SP100: variants seen among roughly 807,000 people sequenced by gnomAD.
SP100 encodes nuclear autoantigen Sp-100.
A neutral mutation model predicts 130.0 loss-of-function variants in SP100; 84 were observed. The ratio of observed to expected loss-of-function variants is 0.65; its 90% CI spans 0.54 to 0.77. SP100 has a LOEUF of 0.77. SP100 is among the 30% of genes least tolerant of loss of function. SP100 has a pLI of 0.00. For synonymous variants in SP100, 331 were observed against 351.7 expected, an observed-to-expected ratio of 0.94 and a Z score of 0.66; for missense variants, 978 against 1,052.2, an observed-to-expected ratio of 0.93 and a Z score of 0.97.
intron 17 of SP100, among the ~76,000 whole-genome samples, chr2:230,483,603 G>T (rs551780416): frequency 3.3e-5 from 5 of 152,258 alleles, no homozygotes; most frequent in African/African-American, 1.2e-4. Flanking sequence ...GACTTTAGGA[G>T]GGCAAGGATG....
chr2:230,491,983 G>C (rs889178969), intron 17 of SP100, among the ~76,000 whole-genome samples: 1 of 151,986 alleles, frequency 6.6e-6, no homozygotes, highest in African/African-American at 2.4e-5. Context: ...ATTTAAAGAA[G>C]GTTTGCTTTT....
chr2:230,516,006 C>G (rs1690896672), intron 24 of SP100: 1 of 979,998 alleles, frequency 1.0e-6, no homozygotes, highest in Non-Finnish European at 1.2e-6. Flanking sequence ...TAACTGAATG[C>G]CACTCTGTAA....
At chr2:230,433,312 A>T (rs1254301470) in intron 2 of SP100, among the ~76,000 whole-genome samples, 1 of 152,106 alleles carries the variant, frequency 6.6e-6, no homozygotes, top group Non-Finnish European at 1.5e-5. Context: ...TTGACCAAAA[A>T]CCTAAGGATT....
chr2:230,431,156 C>G (rs1352100282), intron 2 of SP100, among the ~76,000 whole-genome samples: 1 of 152,200 alleles, frequency 6.6e-6, no homozygotes, highest in Non-Finnish European at 1.5e-5. Flanking sequence ...AGCACAGTAC[C>G]AGCATGACAA....
intron 19 of SP100, among the ~76,000 whole-genome samples, chr2:230,501,992 C>T (rs905298154): frequency 6.6e-6 from 1 of 152,014 alleles, no homozygotes; most frequent in African/African-American, 2.4e-5. Context: ...CCTCAGCCTC[C>T]CGAGTAGCTG....
chr2:230,495,135 G>A (rs1259632756), intron 18 of SP100, among the ~76,000 whole-genome samples: 4 of 152,126 alleles, frequency 2.6e-5, no homozygotes, highest in Non-Finnish European at 5.9e-5. Context: ...GAGATATGTG[G>A]GCAGAGACAT....
At chr2:230,501,505 A>C (rs2067021485) in intron 19 of SP100, among the ~76,000 whole-genome samples, 5 of 152,152 alleles carry the variant, frequency 3.3e-5, no homozygotes, top group Admixed American at 3.3e-4. Flanking sequence ...AAACAAAAAA[A>C]CCTCTAAGTA....
chr2:230,476,414 C>A (rs1460926449), intron 17 of SP100, among the ~76,000 whole-genome samples: 2 of 152,122 alleles, frequency 1.3e-5, no homozygotes, highest in African/African-American at 2.4e-5. Flanking sequence ...CTAAATTTGT[C>A]AGTTCCAGGA....
At chr2:230,522,083 A>C (rs890200597) in intron 24 of SP100, among the ~76,000 whole-genome samples, 3 of 152,180 alleles carry the variant, frequency 2.0e-5, no homozygotes, top group African/African-American at 4.8e-5. Context: ...CATTGCAGGT[A>C]CCAGACAGTG....
chr2:230,423,683 T>A (rs1455646422), intron 2 of SP100, among the ~76,000 whole-genome samples: 1 of 152,252 alleles, frequency 6.6e-6, no homozygotes, highest in Non-Finnish European at 1.5e-5. Context: ...TTTGGAAATG[T>A]TTGGCCTTTA....
chr2:230,505,899 A>G (rs1690054863), intron 21 of SP100, among the ~76,000 whole-genome samples: 1 of 152,184 alleles, frequency 6.6e-6, no homozygotes, highest in Non-Finnish European at 1.5e-5. Flanking sequence ...ACCCAAGAGC[A>G]TGGTAGAGGG....
intron 2 of SP100, among the ~76,000 whole-genome samples, chr2:230,423,942 A>C (rs1411869714): frequency 6.6e-6 from 1 of 152,176 alleles, no homozygotes; most frequent in Non-Finnish European, 1.5e-5. Context: ...GTGCATAATC[A>C]GTTTTGAGGC....
At chr2:230,451,659 G>A (rs999543356) in intron 8 of SP100, among the ~76,000 whole-genome samples, 1 of 152,134 alleles carries the variant, frequency 6.6e-6, no homozygotes, top group Non-Finnish European at 1.5e-5. Flanking sequence ...TGTAATCCCA[G>A]TTCTTTTTGC....
chr2:230,485,876 G>A (rs1194955849), intron 17 of SP100, among the ~76,000 whole-genome samples: 3 of 151,984 alleles, frequency 2.0e-5, no homozygotes, highest in African/African-American at 7.2e-5. Flanking sequence ...TAGGGATTTG[G>A]GTTTTTTAAA....
chr2:230,462,179 G>GA lies in SP100; in HGVS notation c.974-249dup, dbSNP rs1367895674. ...GATGAGAAGTAAAATGAGAGTGAAA[G>GA]AAAAAAATAGAATGAGGGTTGGGGT... On this transcript the variant is annotated intron_variant, in intron 9 of 28. Coordinates refer to ENST00000340126, the MANE Select transcript of SP100 (RefSeq NM_001080391.2). Among the ~76,000 whole-genome samples the GA allele has an allele frequency of 2.0e-5, 3 of 151,830 alleles. No individual in the cohort carries two copies. The East Asian group carries it at 5.8e-4, about 29-fold the overall frequency.
chr2:230,498,193 A>G (rs1429131570), intron 18 of SP100, among the ~76,000 whole-genome samples: 1 of 152,232 alleles, frequency 6.6e-6, no homozygotes, highest in Non-Finnish European at 1.5e-5. Context: ...TCTTTGGGAT[A>G]TAAATGAAAC....
rs1692235129 is a variant in SP100 at position 230,542,932 on chromosome 2, A to T, written c.2644A>T (p.Ile882Leu). 2 of 1,586,338 alleles carry T rather than the reference A, an allele frequency of 1.3e-6. 1 individual carries two copies. The highest frequency in any genetic ancestry group is 2.7e-5 in the African/African-American group (2 of 74,490). The change falls in exon 29 of 29, where the codon ATA (isoleucine) becomes TTA (leucine). Residue 882 changes from isoleucine (I) to leucine (L), a missense_variant. Coordinates refer to ENST00000340126, the MANE Select transcript of SP100 (RefSeq NM_001080391.2). ...AATTCAGGAAACAAGCAAGAACATT[A>T]TAATGTTTATTTAGCCATTCTTATC... The part of the protein sequence containing the change: ...FAIQETSKNI[I>L]MFI
chr2:230,511,024 C>T, intron 23 of SP100, 101 bp from the exon 24 acceptor site: 1 of 795,622 alleles, frequency 1.3e-6, no homozygotes, highest in South Asian at 1.4e-5. Context: ...AAAAGAAGGG[C>T]TGTGGCATGA....
At chr2:230,470,513 A>G in intron 15 of SP100, 1 of 707,932 alleles carries the variant, frequency 1.4e-6, no homozygotes, top group Non-Finnish European at 1.7e-6. Context: ...TAAAAACTTC[A>G]GATCAAACAC....
Sources: gnomAD v4.1 joint callset for allele counts (sites outside exome capture counted in the v4.1 genomes callset) on GRCh38, gnomAD v4.1.1 for gene constraint, MANE v1.5 for transcripts, NCBI Gene and HGNC (gene_info 2026-07-23, HGNC 2026-07-21) for gene names.